PAX8: variants seen among roughly 807,000 people sequenced by gnomAD.
PAX8 encodes paired box 8, also known as paired box protein Pax-8.
PAX8 carries 15 observed loss-of-function variants against 52.4 expected under a neutral mutation model. The observed-to-expected ratio is 0.29, with a 90% CI of 0.19 to 0.44. PAX8 has a LOEUF of 0.44. Ranked by LOEUF, PAX8 falls within the 20% of genes least tolerant of loss-of-function variation. The probability of loss-of-function intolerance (pLI) is 1.00; values close to 1 mark genes in which losing one functional copy is unlikely to be tolerated. For missense variants in PAX8, 554 were observed against 602.5 expected (o/e 0.92, Z 0.84); for synonymous variants, 284 against 249.7 (o/e 1.14, Z -1.29).
intron 2 of PAX8, among the ~76,000 whole-genome samples, chr2:113,261,431 C>G (rs1692670189): frequency 6.6e-6 from 1 of 152,152 alleles, no homozygotes; most frequent in African/African-American, 2.4e-5. Flanking sequence ...TGACAAAACA[C>G]CAGGGGTGAC....
chr2:113,224,717 A>G (rs564441530), intron 10 of PAX8, among the ~76,000 whole-genome samples: 9 of 151,818 alleles, frequency 5.9e-5, no homozygotes, highest in Non-Finnish European at 1.2e-4. Context: ...GACTGGATGG[A>G]TCCATGTGTC....
chr2:113,232,714 A>G (rs1238507215), intron 9 of PAX8, among the ~76,000 whole-genome samples: 1 of 152,138 alleles, frequency 6.6e-6, no homozygotes, highest in African/African-American at 2.4e-5. Flanking sequence ...GGAGGGGACA[A>G]AGTGTAGGGG....
chr2:113,263,076 A>C (rs1428379317), intron 2 of PAX8, among the ~76,000 whole-genome samples: 1 of 152,214 alleles, frequency 6.6e-6, no homozygotes, highest in Non-Finnish European at 1.5e-5. Flanking sequence ...AGTTCCCTCC[A>C]AATGACTCTT....
intron 2 of PAX8, among the ~76,000 whole-genome samples, chr2:113,261,660 G>A (rs1411711365): frequency 6.6e-6 from 1 of 152,186 alleles, no homozygotes; most frequent in Non-Finnish European, 1.5e-5. Context: ...TCACCTCATG[G>A]CAGAACCAAG....
chr2:113,236,095 A>G (rs111273428), intron 8 of PAX8: 7 of 183,392 alleles, frequency 3.8e-5, no homozygotes, highest in East Asian at 1.2e-4. Context: ...GCCGCCTAGG[A>G]CCGGAGGCGC....
At chr2:113,228,768 T>G (rs1165328847) in intron 9 of PAX8, among the ~76,000 whole-genome samples, 1 of 152,172 alleles carries the variant, frequency 6.6e-6, no homozygotes, top group Admixed American at 6.5e-5. Flanking sequence ...TCATCTCCTC[T>G]ATGGCACTGC....
chr2:113,243,069 T>C (rs1690998873), intron 4 of PAX8, among the ~76,000 whole-genome samples: 2 of 152,206 alleles, frequency 1.3e-5, no homozygotes, highest in African/African-American at 4.8e-5. Flanking sequence ...GTTTTGACCT[T>C]GTGAACCTTG....
At chr2:113,236,475 T>C (rs1690347090) in intron 8 of PAX8, 126 bp downstream of exon 8, 1 of 1,152,980 alleles carries the variant, frequency 8.7e-7, no homozygotes, top group Non-Finnish European at 1.2e-6. Context: ...TGGGCCCACC[T>C]GGCGGCCCGG....
intron 8 of PAX8, chr2:113,235,806 C>A (rs1376259327): frequency 5.5e-6 from 3 of 547,624 alleles, no homozygotes; most frequent in South Asian, 2.4e-5. Flanking sequence ...AATGGAGAGA[C>A]CCGGAAGGCG....
At chr2:113,219,249 G>T (rs1041783099) in intron 11 of PAX8, among the ~76,000 whole-genome samples, 1 of 152,184 alleles carries the variant, frequency 6.6e-6, no homozygotes, top group Admixed American at 6.5e-5. Context: ...ATACAAAGAG[G>T]TAATGGGAGG....
intron 9 of PAX8, among the ~76,000 whole-genome samples, chr2:113,232,829 T>C (rs551440411): frequency 1.5e-4 from 23 of 152,196 alleles, no homozygotes; most frequent in Admixed American, 5.2e-4. Context: ...CCCTACATCC[T>C]TCCCTCTCCT....
intron 9 of PAX8, among the ~76,000 whole-genome samples, chr2:113,232,732 A>C (rs939141742): frequency 2.0e-5 from 3 of 151,994 alleles, no homozygotes; most frequent in African/African-American, 7.3e-5. Context: ...GGGCTTTGGG[A>C]GTAGGGAGTT....
chr2:113,220,655 C>A (rs1250438352), intron 10 of PAX8, among the ~76,000 whole-genome samples: 2 of 152,006 alleles, frequency 1.3e-5, no homozygotes, highest in African/African-American at 4.8e-5. Flanking sequence ...GGGTTAGGGG[C>A]CAAAGAGGAC....
chr2:113,231,509 C>A (rs557993073), intron 9 of PAX8, among the ~76,000 whole-genome samples: 1 of 151,788 alleles, frequency 6.6e-6, no homozygotes, highest in South Asian at 2.1e-4. Flanking sequence ...AGCCACCAGG[C>A]GGAAATAAGT....
chr2:113,248,136 G>A (rs1462655903), intron 2 of PAX8, among the ~76,000 whole-genome samples: 1 of 152,194 alleles, frequency 6.6e-6, no homozygotes, highest in Admixed American at 6.5e-5. Context: ...CAACTCTATA[G>A]TACCTAGAGC....
In PAX8 at chr2:113,278,873, C is replaced by G. The variant is rs769145287; in HGVS notation, c.-118G>C. On this transcript the variant is annotated 5_prime_UTR_variant, in exon 1 of 12. Coordinates refer to ENST00000429538, the MANE Select transcript of PAX8 (RefSeq NM_003466.4). ...GGCCCTCACTGCTTGGGTCCGCCCG[C>G]GAGGGTGCCCTGGGCCCGGTGTCTC... 1 of 1,058,470 alleles carries G rather than the reference C, an allele frequency of 9.4e-7. No homozygotes were observed. The highest frequency in any genetic ancestry group is 1.1e-6 in the Non-Finnish European group (1 of 874,148). The allele number at this position is 1,058,470 out of a possible 1,614,324, so 65.6% of individuals were successfully genotyped here.
chr2:113,218,266 T>C lies in PAX8; in HGVS notation c.*267A>G, dbSNP rs1411542388. ...ACCGGCTGGGGGCTACATTTCTTCT[T>C]CAATTTTGTCTTTTTCAGCATGGCA... On this transcript the variant is annotated 3_prime_UTR_variant, in exon 12 of 12. Coordinates refer to ENST00000429538, the MANE Select transcript of PAX8 (RefSeq NM_003466.4). 5.3e-6 allele frequency: 2 copies of C among 378,090 alleles called. No homozygotes were observed. The highest frequency in any genetic ancestry group is 9.4e-6 in the Non-Finnish European group (2 of 212,396). 23.4% of individuals were successfully genotyped at this position (378,090 alleles called of 1,614,324 possible).
chr2:113,243,125 A>G (rs1014289210), intron 4 of PAX8, among the ~76,000 whole-genome samples: 4 of 152,190 alleles, frequency 2.6e-5, no homozygotes, highest in African/African-American at 9.7e-5. Flanking sequence ...ACCTTAGTGC[A>G]TGTCATCACC....
chr2:113,267,673 C>T (rs188756806), intron 2 of PAX8: 2 of 152,330 alleles, frequency 1.3e-5, no homozygotes, highest in Admixed American at 6.5e-5. Context: ...TGAGTACAGC[C>T]GGGACTCATC....
Sources: gnomAD v4.1 joint callset for allele counts (sites outside exome capture counted in the v4.1 genomes callset) on GRCh38, gnomAD v4.1.1 for gene constraint, MANE v1.5 for transcripts, NCBI Gene and HGNC (gene_info 2026-07-23, HGNC 2026-07-21) for gene names.